Variants in MGAT4C observed in about 807,000 individuals in gnomAD.
MGAT4C encodes alpha-1,3-mannosyl-glycoprotein 4-beta-N-acetylglucosaminyltransferase C.
A neutral mutation model predicts 40.1 loss-of-function variants in MGAT4C; 19 were observed. That is an observed-to-expected ratio of 0.47 (90% CI 0.33 to 0.70). The LOEUF (loss-of-function observed/expected upper bound fraction) is 0.70. Among genes scored for constraint, MGAT4C ranks in the 30% least tolerant of loss-of-function variants. The pLI is 0.02. For synonymous variants in MGAT4C, 181 were observed against 187.1 expected (o/e 0.97, Z 0.27); for missense variants, 491 against 563.2 (o/e 0.87, Z 1.30).
At chr12:86,006,538 G>T (rs550861645) in intron 2 of MGAT4C, among the ~76,000 whole-genome samples, 1 of 152,300 alleles carries the variant, frequency 6.6e-6, no homozygotes, top group Non-Finnish European at 1.5e-5. Context: ...AGGAGGGACT[G>T]ACAAAGAATC....
At chr12:86,159,321 A>G (rs1048112254) in intron 1 of MGAT4C, among the ~76,000 whole-genome samples, 9 of 151,864 alleles carry the variant, frequency 5.9e-5, no homozygotes, top group African/African-American at 1.7e-4. Context: ...AGTGAATCAC[A>G]TTTATTGATT....
intron 4 of MGAT4C, among the ~76,000 whole-genome samples, chr12:86,290,429 G>A (rs1182331739): frequency 6.6e-6 from 1 of 151,782 alleles, no homozygotes; most frequent in Admixed American, 6.6e-5. Context: ...TATCACGGAG[G>A]GTTTGAGATT....
intron 2 of MGAT4C, among the ~76,000 whole-genome samples, chr12:86,673,585 T>C (rs2042868): frequency 6.8e-6 from 1 of 146,408 alleles, no homozygotes; most frequent in East Asian, 1.9e-4. Flanking sequence ...TAATAACTAA[T>C]CGCGTAATTT....
intron 4 of MGAT4C, among the ~76,000 whole-genome samples, chr12:86,294,783 A>C (rs1592659595): frequency 6.6e-6 from 1 of 152,120 alleles, no homozygotes; most frequent in East Asian, 1.9e-4. Flanking sequence ...ATTTTGCAAT[A>C]ATAGTATTTA....
intron 1 of MGAT4C, among the ~76,000 whole-genome samples, chr12:86,255,552 T>C (rs1952481289): frequency 6.6e-6 from 1 of 152,148 alleles, no homozygotes; most frequent in African/African-American, 2.4e-5. Context: ...TTTCTGGCTA[T>C]GTAAAGACAG....
chr12:86,782,353 T>G (rs1951861789), intron 1 of MGAT4C, among the ~76,000 whole-genome samples: 1 of 151,780 alleles, frequency 6.6e-6, no homozygotes, highest in South Asian at 2.1e-4. Context: ...GGCTAATTTT[T>G]TGTATTTTTA....
chr12:86,263,467 T>C (rs1422757416), intron 4 of MGAT4C, among the ~76,000 whole-genome samples: 1 of 152,210 alleles, frequency 6.6e-6, no homozygotes, highest in East Asian at 1.9e-4. Flanking sequence ...TTTCAGATAA[T>C]GTCCTCCAAT....
intron 1 of MGAT4C, among the ~76,000 whole-genome samples, chr12:86,189,147 T>C (rs1270301273): frequency 1.3e-5 from 2 of 151,982 alleles, no homozygotes; most frequent in Non-Finnish European, 2.9e-5. Flanking sequence ...TTTACTGTCT[T>C]TTCCTTTTGA....
intron 2 of MGAT4C, among the ~76,000 whole-genome samples, chr12:86,008,916 G>A (rs1276899169): frequency 1.3e-5 from 2 of 151,838 alleles, no homozygotes; most frequent in Non-Finnish European, 2.9e-5. Flanking sequence ...TGCTGATTTT[G>A]TAATTTAAAC....
intron 2 of MGAT4C, among the ~76,000 whole-genome samples, chr12:86,545,725 A>G (rs1038376702): frequency 3.9e-5 from 6 of 151,912 alleles, no homozygotes; most frequent in African/African-American, 7.2e-5. Flanking sequence ...AGAGAAGACA[A>G]ATGAACTTTA....
chr12:86,450,590 A>G (rs1251398956), intron 2 of MGAT4C, among the ~76,000 whole-genome samples: 1 of 152,118 alleles, frequency 6.6e-6, no homozygotes, highest in Non-Finnish European at 1.5e-5. Flanking sequence ...ATATCAAAGT[A>G]ACGACTATAT....
rs11103907 is a variant in MGAT4C at position 86,269,981 on chromosome 12, G to A, written c.-57+64084C>T. 7.7e-3 allele frequency among the ~76,000 whole-genome samples: 1,166 copies of A among 152,100 alleles called. 23 individuals are homozygous for A. The highest frequency in any genetic ancestry group is 0.027 in the African/African-American group (1,117 of 41,498). ...TATCATAAAGTATATTCACGCTGTT[G>A]TACAAGCATCACCATCATCCTTCTC... On this transcript the variant is annotated intron_variant, in intron 4 of 7. Transcript: ENST00000548651.
chr12:86,369,426 T>C (rs1955674858), intron 3 of MGAT4C, among the ~76,000 whole-genome samples: 1 of 151,902 alleles, frequency 6.6e-6, no homozygotes, highest in Admixed American at 6.6e-5. Context: ...TTTGCTGTCT[T>C]CTTTTGTGTT....
intron 3 of MGAT4C, among the ~76,000 whole-genome samples, chr12:86,379,822 T>C (rs894344298): frequency 3.3e-5 from 5 of 152,106 alleles, no homozygotes; most frequent in Admixed American, 6.6e-5. Context: ...CATTCTTCAA[T>C]CCAAAATTTT....
chr12:86,708,769 T>A (rs1212171417), intron 2 of MGAT4C, among the ~76,000 whole-genome samples: 1 of 152,176 alleles, frequency 6.6e-6, no homozygotes, highest in Non-Finnish European at 1.5e-5. Flanking sequence ...GATTTTGGAC[T>A]TTCATGGGGC....
At chr12:86,835,486 T>A (rs540099006) in intron 1 of MGAT4C, among the ~76,000 whole-genome samples, 1 of 152,034 alleles carries the variant, frequency 6.6e-6, no homozygotes, top group South Asian at 2.1e-4. Context: ...TAAGGCCATA[T>A]CACTAGATAA....
intron 4 of MGAT4C, among the ~76,000 whole-genome samples, chr12:86,287,593 G>A (rs1158625329): frequency 6.6e-6 from 1 of 152,082 alleles, no homozygotes; most frequent in Admixed American, 6.6e-5. Context: ...ACTTATCAGT[G>A]AGAACATGCA....
chr12:86,533,656 C>T (rs1959020757), intron 2 of MGAT4C, among the ~76,000 whole-genome samples: 1 of 151,298 alleles, frequency 6.6e-6, no homozygotes, highest in Non-Finnish European at 1.5e-5. Flanking sequence ...ATTGTATATA[C>T]ACACATTAAT....
chr12:86,336,717 T>C (rs1431238984), intron 3 of MGAT4C, among the ~76,000 whole-genome samples: 1 of 151,992 alleles, frequency 6.6e-6, no homozygotes, highest in Non-Finnish European at 1.5e-5. Flanking sequence ...AGAAAGAAGA[T>C]AAACATTACA....
Sources: allele counts gnomAD v4.1 joint callset (sites outside exome capture counted in the v4.1 genomes callset), GRCh38; gene constraint gnomAD v4.1.1; transcripts MANE v1.5; gene names NCBI Gene and HGNC (gene_info 2026-07-23, HGNC 2026-07-21).